The following ZNF93 variants were observed in gnomAD, a reference collection of about 807,000 sequenced individuals.
ZNF93 encodes zinc finger protein 505.
A neutral mutation model predicts 45.0 loss-of-function variants in ZNF93; 29 were observed. The ratio of observed to expected loss-of-function variants is 0.64; its 90% CI spans 0.48 to 0.88. The LOEUF (loss-of-function observed/expected upper bound fraction) is 0.88. Among genes scored for constraint, ZNF93 ranks in the 40% least tolerant of loss-of-function variants. The pLI, the probability that ZNF93 is intolerant of heterozygous loss-of-function variation, is 0.00. For synonymous variants in ZNF93, 223 were observed against 244.6 expected (o/e 0.91, Z 0.82); for missense variants, 578 against 724.0 (o/e 0.80, Z 2.31).
rs538892765 is a variant in ZNF93 at position 19,915,275 on chromosome 19, T to C, written c.4-5T>C. 3 of 1,613,808 alleles carry C rather than the reference T, an allele frequency of 1.9e-6. No homozygotes were observed. The highest frequency in any genetic ancestry group is 1.3e-5 in the African/African-American group (1 of 75,040). On this transcript the variant is annotated splice_region_variant and splice_polypyrimidine_tract_variant and intron_variant, in intron 1 of 3. Transcript: ENST00000343769. ...TTGGTGAAAATGTGTGTGTGTGTTT[T>C]TCAGGGACCATTGCAATTTAGAGAT...
At chr19:19,915,746 G>T (rs1168605750) in intron 2 of ZNF93, among the ~76,000 whole-genome samples, 1 of 152,108 alleles carries the variant, frequency 6.6e-6, no homozygotes, top group African/African-American at 2.4e-5. Context: ...GGAGGGTGAG[G>T]CAGGAGAATT....
intron 1 of ZNF93, among the ~76,000 whole-genome samples, chr19:19,901,749 C>T (rs2063272371): frequency 6.6e-6 from 1 of 152,028 alleles, no homozygotes; most frequent in Non-Finnish European, 1.5e-5. Flanking sequence ...TGCGGTGGGA[C>T]CTCAGCCAAT....
chr19:19,916,462 A>G lies in ZNF93; in HGVS notation c.131-98A>G, dbSNP rs991840210. On this transcript the variant is annotated intron_variant, in intron 2 of 3. Transcript: ENST00000343769. ...TAAATTTGTATTTTGGTATTAATTT[A>G]CTAGAATATTTTATCACATCGTCTT... 5 of 918,790 alleles carry G rather than the reference A, an allele frequency of 5.4e-6. No homozygotes were observed. In the African/African-American group the frequency reaches 6.9e-5, roughly 13 times the overall value. The allele number at this position is 918,790 out of a possible 1,614,324, so 56.9% of individuals were successfully genotyped here.
chr19:19,914,840 T>G, intron 1 of ZNF93: 1 of 357,946 alleles, frequency 2.8e-6, no homozygotes, highest in South Asian at 2.1e-5. Context: ...TGTTAGAAAT[T>G]CAAAAAATCA....
intron 3 of ZNF93, among the ~76,000 whole-genome samples, chr19:19,931,579 G>A (rs1233766112): frequency 6.6e-6 from 1 of 152,188 alleles, no homozygotes; most frequent in Admixed American, 6.5e-5. Context: ...TGCCCAGGCT[G>A]ATCTTGAACT....
At chr19:19,918,099 C>T (rs531181473) in intron 3 of ZNF93, among the ~76,000 whole-genome samples, 1 of 151,996 alleles carries the variant, frequency 6.6e-6, no homozygotes, top group Non-Finnish European at 1.5e-5. Flanking sequence ...ATCCCTCCCC[C>T]GTCCCCCCAC....
At chr19:19,924,762 GTA>G (rs2063351665) in intron 3 of ZNF93, among the ~76,000 whole-genome samples, 1 of 151,728 alleles carries the variant, frequency 6.6e-6, no homozygotes, top group African/African-American at 2.4e-5. Context: ...GGGTGATTTT[GTA>G]TTTTTAGTAG....
chr19:19,923,795 A>G (rs2063348395), intron 3 of ZNF93, among the ~76,000 whole-genome samples: 1 of 152,026 alleles, frequency 6.6e-6, no homozygotes, highest in Non-Finnish European at 1.5e-5. Context: ...GAGTGACCCA[A>G]TTTTCCAGGT....
chr19:19,931,935 G>T, intron 3 of ZNF93: 1 of 353,300 alleles, frequency 2.8e-6, no homozygotes, highest in East Asian at 1.2e-4. Context: ...AACTTCAATT[G>T]AATAAAAACT....
intron 3 of ZNF93, among the ~76,000 whole-genome samples, chr19:19,928,161 C>A (rs2063361783): frequency 6.6e-6 from 1 of 152,160 alleles, no homozygotes; most frequent in Non-Finnish European, 1.5e-5. Context: ...AATAAGCCAA[C>A]TTTATCAGTG....
At chr19:19,915,555 A>G (rs1192538069) in intron 2 of ZNF93, 149 bp downstream of exon 2, 3 of 1,210,640 alleles carry the variant, frequency 2.5e-6, no homozygotes, top group African/African-American at 3.1e-5. Flanking sequence ...TTCATTTAGA[A>G]AAGAATTTCT....
At chr19:19,906,249 C>G (rs2063292539) in intron 1 of ZNF93, among the ~76,000 whole-genome samples, 1 of 152,058 alleles carries the variant, frequency 6.6e-6, no homozygotes, top group Admixed American at 6.6e-5. Flanking sequence ...GCGGTGGTAT[C>G]TCATTGTGGT....
chr19:19,923,868 G>C (rs2063348634), intron 3 of ZNF93, among the ~76,000 whole-genome samples: 1 of 152,130 alleles, frequency 6.6e-6, no homozygotes, highest in Non-Finnish European at 1.5e-5. Context: ...CACTTCCCAG[G>C]TGAGGTGATG....
intron 1 of ZNF93, among the ~76,000 whole-genome samples, chr19:19,910,966 C>A (rs2063306027): frequency 6.6e-6 from 1 of 152,144 alleles, no homozygotes; most frequent in Non-Finnish European, 1.5e-5. Flanking sequence ...CATTGACCTG[C>A]TACAGTTATG....
chr19:19,905,275 T>G (rs1319338114), intron 1 of ZNF93, among the ~76,000 whole-genome samples: 1 of 152,166 alleles, frequency 6.6e-6, no homozygotes, highest in African/African-American at 2.4e-5. Context: ...GCTGAAATTA[T>G]GTTATGGGGA....
chr19:19,900,995 C>T lies in ZNF93; in HGVS notation c.-94C>T. 5 of 1,569,212 alleles carry T rather than the reference C, an allele frequency of 3.2e-6. No homozygotes were observed. The highest frequency in any genetic ancestry group is 4.4e-6 in the Non-Finnish European group (5 of 1,140,710). On this transcript the variant is annotated 5_prime_UTR_variant, in exon 1 of 4. Transcript: ENST00000343769. Reference sequence around the variant, plus strand: ...AGGTCTCCTCTTCACTACTCTGTGTCCTGTGCTCCTACAGGCCCAGCCTCT... The same window carrying T: ...AGGTCTCCTCTTCACTACTCTGTGTTCTGTGCTCCTACAGGCCCAGCCTCT...
rs796727954 is a variant in ZNF93, at chr19:19,917,933, CTTCCTTCT to C, written c.226+1282_226+1289del. Among the ~76,000 whole-genome samples the C allele has an allele frequency of 5.8e-3, 850 of 147,346 alleles. 10 individuals are homozygous for C. Among genetic ancestry groups the C allele is most frequent in the African/African-American group, 0.021 (805 of 37,730 alleles). On this transcript the variant is annotated intron_variant, in intron 3 of 3. Transcript: ENST00000343769. ...GTGACTTTCTTTCCTTCCTTCCTTCCTTCCTTCTTTCTTTTTTTTTCTTTTTTTTAATT... is the reference window on the plus strand; with the variant it reads ...GTGACTTTCTTTCCTTCCTTCCTTCCTTCTTTTTTTTTCTTTTTTTTAATT...
At chr19:19,909,750 C>T (rs1433044301) in intron 1 of ZNF93, among the ~76,000 whole-genome samples, 1 of 152,212 alleles carries the variant, frequency 6.6e-6, no homozygotes, top group Non-Finnish European at 1.5e-5. Flanking sequence ...AATTACCAGA[C>T]ATGATATAAA....
Position 19,934,603 on chromosome 19 carries a change from A to G in ZNF93, c.1648A>G (p.Thr550Ala). The G allele has an allele frequency of 6.2e-7, 1 of 1,613,398 alleles. No individual in the cohort carries two copies. The highest frequency in any genetic ancestry group is 8.5e-7 in the Non-Finnish European group (1 of 1,179,878). ...EECGKAFHLS[T>A]HLTTHKILHT... is the part of the protein sequence containing the mutation. Reference sequence around the variant, plus strand: ...ATGTGGCAAAGCTTTTCACCTATCCACACACCTTACTACACATAAGATACT... The same window carrying G: ...ATGTGGCAAAGCTTTTCACCTATCCGCACACCTTACTACACATAAGATACT... Residue 550 changes from threonine (T) to alanine (A), a missense_variant, in exon 4 of 4, where the codon ACA becomes GCA. By Grantham distance (58) the Thr-to-Ala change is moderately conservative. Transcript: ENST00000343769.
Sources: allele counts gnomAD v4.1 joint callset (sites outside exome capture counted in the v4.1 genomes callset), GRCh38; gene constraint gnomAD v4.1.1; transcripts MANE v1.5; gene names NCBI Gene and HGNC (gene_info 2026-07-23, HGNC 2026-07-21).